Variants in FARP1 observed in about 807,000 individuals in gnomAD.
FARP1 encodes the protein FERM, ARHGEF and pleckstrin domain-containing protein 1.
A neutral mutation model predicts 128.8 loss-of-function variants in FARP1; 52 were observed. The observed-to-expected ratio is 0.40, with a 90% CI of 0.32 to 0.51. The LOEUF is 0.51. FARP1 is among the 20% of genes least tolerant of loss of function. FARP1 has a pLI of 0.45. For synonymous variants in FARP1, 580 were observed against 551.8 expected (o/e 1.05, Z -0.72); for missense variants, 1,333 against 1,367.9 (o/e 0.97, Z 0.40).
At chr13:98,211,844 C>T (rs1300327778) in intron 1 of FARP1, among the ~76,000 whole-genome samples, 2 of 152,210 alleles carry the variant, frequency 1.3e-5, no homozygotes, top group South Asian at 2.1e-4. Flanking sequence ...GTGGTCCAGT[C>T]GTTAAGCAGC....
At chr13:98,308,888 G>T (rs1166045584) in intron 2 of FARP1, among the ~76,000 whole-genome samples, 1 of 152,016 alleles carries the variant, frequency 6.6e-6, no homozygotes, top group Non-Finnish European at 1.5e-5. Flanking sequence ...ACGTTGCCCA[G>T]GCTGGTCTTG....
rs1566941328 is a variant in FARP1, at chr13:98,385,690, A to T, written c.635A>T (p.Asp212Val). ...AGTGGACAAACACCAGCAGAATCAG[A>T]TTTCCAGCTCCTAGAGATTGCCCGT... ...NHIGQTPAES[D>V]FQLLEIARRL... is the part of the protein sequence containing the mutation. The change falls in exon 8 of 27, where the codon GAT (aspartate) becomes GTT (valine). Residue 212 changes from aspartate (D) to valine (V), a missense_variant. Physicochemically the swap from Asp to Val is radical, Grantham distance 152. Around this residue, in one of 2 missense-constraint regions of FARP1, gnomAD observed 324 missense variants for 398.1 expected, o/e 0.81. Transcript: ENST00000319562. 6.2e-7 allele frequency: 1 copy of T among 1,614,234 alleles called. No homozygotes were observed. The highest frequency in any genetic ancestry group is 8.5e-7 in the Non-Finnish European group (1 of 1,180,046).
rs1053970790 is a variant in FARP1 at position 98,232,205 on chromosome 13, TTCACTTAG to T, written c.171+18795_171+18802del. 4.0e-5 allele frequency among the ~76,000 whole-genome samples: 6 copies of T among 150,782 alleles called. No homozygotes were observed. The East Asian group carries it at 7.9e-4, about 20-fold the overall frequency. ...ATCTTTAGGGGCCTGTTGTTTTTAA[TTCACTTAG>T]TCTCACTTTACCACCATGTAAACTA... On this transcript the variant is annotated intron_variant, in intron 2 of 26. Transcript: ENST00000319562.
chr13:98,437,065 A>G (rs963321001), intron 19 of FARP1, among the ~76,000 whole-genome samples: 2 of 152,216 alleles, frequency 1.3e-5, no homozygotes, highest in African/African-American at 4.8e-5. Context: ...GGTCATTAAG[A>G]TCAAATGAGA....
At chr13:98,421,341 G>A (rs1321128553) in intron 16 of FARP1, among the ~76,000 whole-genome samples, 3 of 152,290 alleles carry the variant, frequency 2.0e-5, no homozygotes, top group South Asian at 4.2e-4. Flanking sequence ...CTCGCCCAGC[G>A]TCCTCTTCCC....
intron 2 of FARP1, among the ~76,000 whole-genome samples, chr13:98,272,788 G>A (rs1884450771): frequency 6.6e-6 from 1 of 152,298 alleles, no homozygotes; most frequent in Middle Eastern, 3.4e-3. Flanking sequence ...TGATTAGTGA[G>A]GATTATAAGG....
intron 1 of FARP1, among the ~76,000 whole-genome samples, chr13:98,197,269 C>A (rs980605288): frequency 3.3e-5 from 5 of 152,082 alleles, no homozygotes; most frequent in African/African-American, 4.8e-5. Context: ...GAGTTCGAGA[C>A]CAGCCTGACC....
At chr13:98,337,290 T>C (rs1566893647) in intron 2 of FARP1, among the ~76,000 whole-genome samples, 1 of 152,150 alleles carries the variant, frequency 6.6e-6, no homozygotes, top group East Asian at 1.9e-4. Context: ...GGAGGATCGC[T>C]TGAGCCCAGA....
chr13:98,362,995 G>A (rs80045811), intron 3 of FARP1, among the ~76,000 whole-genome samples: 2,170 of 152,264 alleles, frequency 0.014, 53 homozygotes, highest in African/African-American at 0.048. Context: ...CCAAAATACC[G>A]TCCTGTCTTG....
intron 2 of FARP1, among the ~76,000 whole-genome samples, chr13:98,301,764 G>A (rs868047743): frequency 6.6e-6 from 1 of 152,172 alleles, no homozygotes. Flanking sequence ...GCCTTAAGAA[G>A]CCAGTGTTTT....
At chr13:98,426,447 G>A (rs537238927) in intron 17 of FARP1, among the ~76,000 whole-genome samples, 1 of 152,168 alleles carries the variant, frequency 6.6e-6, no homozygotes, top group Non-Finnish European at 1.5e-5. Context: ...CCATGATCGC[G>A]CCACTGCACT....
At chr13:98,285,609 T>A (rs1885128331) in intron 2 of FARP1, among the ~76,000 whole-genome samples, 1 of 152,204 alleles carries the variant, frequency 6.6e-6, no homozygotes, top group African/African-American at 2.4e-5. Context: ...TCAGCCCTTT[T>A]TACATCTGAC....
intron 17 of FARP1, among the ~76,000 whole-genome samples, chr13:98,427,580 G>A (rs963500140): frequency 6.6e-6 from 1 of 152,238 alleles, no homozygotes; most frequent in African/African-American, 2.4e-5. Flanking sequence ...GTGCTGTTCA[G>A]CAAGTGTCCT....
At chr13:98,440,988 C>T (rs1892500496) in intron 24 of FARP1, 152 bp downstream of exon 24, 2 of 780,090 alleles carry the variant, frequency 2.6e-6, no homozygotes, top group South Asian at 1.7e-5. Context: ...AACACTGGGC[C>T]CCCTTTGGAG....
At position 98,452,831 on chromosome 13, in the gene FARP1, T is replaced by C; in HGVS notation, c.*4514T>C. 1 of 222,492 alleles carries C rather than the reference T, an allele frequency of 4.5e-6. No individual in the cohort carries two copies. Among genetic ancestry groups the C allele is most frequent in the Admixed American group, 5.3e-5 (1 of 18,858 alleles). 13.8% of individuals were successfully genotyped at this position (222,492 alleles called of 1,614,324 possible). On this transcript the variant is annotated 3_prime_UTR_variant, in exon 27 of 27. Transcript: ENST00000319562. The stretch of plus-strand genomic sequence containing the variant: ...GATACCTGAGGTTTCATGTCTTTAG[T>C]TGCCTTATCATAATCCCAAATATAC...
chr13:98,421,929 A>G (rs1594517604), intron 16 of FARP1, among the ~76,000 whole-genome samples: 1 of 152,204 alleles, frequency 6.6e-6, no homozygotes, highest in Non-Finnish European at 1.5e-5. Flanking sequence ...AAAATCTGGA[A>G]CATTTTGTGT....
chr13:98,447,086 G>A (rs1892894884), intron 26 of FARP1: 1 of 400,462 alleles, frequency 2.5e-6, no homozygotes, highest in African/African-American at 2.0e-5. Context: ...AACGTGTCCG[G>A]GATGATGAAG....
chr13:98,429,123 GA>G (rs1254674844), intron 17 of FARP1, among the ~76,000 whole-genome samples: 2 of 152,198 alleles, frequency 1.3e-5, no homozygotes, highest in Admixed American at 1.3e-4. Flanking sequence ...TTTCAAAACA[GA>G]AAGTCATGAA....
chr13:98,225,298 C>T (rs927138669), intron 2 of FARP1, among the ~76,000 whole-genome samples: 11 of 152,174 alleles, frequency 7.2e-5, no homozygotes, highest in African/African-American at 2.7e-4. Flanking sequence ...TTTCACAGCT[C>T]ATTGCACCCA....
Sources: allele counts gnomAD v4.1 joint callset (sites outside exome capture counted in the v4.1 genomes callset), GRCh38; gene constraint gnomAD v4.1.1; regional missense constraint gnomAD v4.1.1; transcripts MANE v1.5; gene names NCBI Gene and HGNC (gene_info 2026-07-23, HGNC 2026-07-21).